SPSB1: variants seen among roughly 807,000 people sequenced by gnomAD.
The protein encoded by SPSB1 is SPRY domain-containing SOCS box protein 1.
In SPSB1, 8 loss-of-function variants were observed where a neutral mutation model predicts 21.2. That is an observed-to-expected ratio of 0.38 (90% confidence interval 0.22 to 0.68). The LOEUF (loss-of-function observed/expected upper bound fraction) is 0.68. Ranked by LOEUF, SPSB1 falls within the 30% of genes least tolerant of loss-of-function variation. The pLI is 0.53. For synonymous variants in SPSB1, 169 were observed against 161.7 expected (o/e 1.05, Z -0.34); for missense variants, 242 against 377.8 (o/e 0.64, Z 2.98).
Position 9,355,753 on chromosome 1 carries a change from A to G in SPSB1, c.-139A>G. 1.4e-6 allele frequency: 2 copies of G among 1,463,356 alleles called. No homozygotes were observed. The highest frequency in any genetic ancestry group is 9.0e-7 in the Non-Finnish European group (1 of 1,108,826). The allele number at this position is 1,463,356 out of a possible 1,614,324, so 90.6% of individuals were successfully genotyped here. A position where few individuals can be genotyped will look rare whatever the true frequency, so the allele number is the denominator to read the frequency against. ...CTTTCCGTCCATTAGGCAATACTGA[A>G]CACTGCGCAGCTTGCAGAGGTCTCC... On this transcript the variant is annotated 5_prime_UTR_variant, in exon 2 of 3. Coordinates refer to ENST00000328089, the MANE Select transcript of SPSB1 (RefSeq NM_025106.4).
intron 1 of SPSB1, among the ~76,000 whole-genome samples, chr1:9,331,836 T>C (rs1335823055): frequency 6.6e-6 from 1 of 152,186 alleles, no homozygotes; most frequent in Non-Finnish European, 1.5e-5. Flanking sequence ...CTGCTTTTCT[T>C]TTATGTCCTT....
Position 9,367,547 on chromosome 1 carries a change from C to T in SPSB1, c.794C>T (p.Ser265Phe). 1 of 1,612,362 alleles carries T rather than the reference C, an allele frequency of 6.2e-7. No homozygotes were observed. The highest frequency in any genetic ancestry group is 2.2e-5 in the East Asian group (1 of 44,832). Residue 265 changes from serine (S) to phenylalanine (F), a missense_variant, in exon 3 of 3, where the codon TCC (serine) becomes TTC (phenylalanine). By Grantham distance (155) the Ser-to-Phe change is radical. Transcript: ENST00000328089. This position sits in a 1 kb window ranked among gnomAD's most constrained non-coding sequence, Gnocchi z 5.9. ...GEIHTLPLPA[S>F]LKAYLLYQ ...ATCCACACGCTGCCGCTGCCGGCTT[C>T]CCTCAAGGCCTACCTCCTCTACCAG... is the stretch of plus-strand genomic sequence containing the variant.
chr1:9,353,366 G>C (rs1465050771), intron 1 of SPSB1, among the ~76,000 whole-genome samples: 21 of 152,134 alleles, frequency 1.4e-4, no homozygotes, highest in Admixed American at 1.2e-3. Flanking sequence ...AAAGCCACAG[G>C]GTGTCCCTCT....
At chr1:9,298,454 GTGAATGAA>G (rs796930232) in intron 1 of SPSB1, among the ~76,000 whole-genome samples, 266 of 119,308 alleles carry the variant, frequency 2.2e-3, no homozygotes, top group African/African-American at 6.8e-3. Context: ...GAATGAATAA[GTGAATGAA>G]TGAATGAATG....
chr1:9,364,319 T>C (rs1352493132), intron 2 of SPSB1, among the ~76,000 whole-genome samples: 7 of 152,216 alleles, frequency 4.6e-5, no homozygotes, highest in Non-Finnish European at 8.8e-5. Context: ...GAAGACCTAC[T>C]CCCGACAGCC....
chr1:9,332,901 G>C (rs1293053842), intron 1 of SPSB1, among the ~76,000 whole-genome samples: 6 of 152,192 alleles, frequency 3.9e-5, no homozygotes, highest in Non-Finnish European at 7.3e-5. Context: ...AGAGGGTGAC[G>C]GAGACCACAG....
At chr1:9,353,845 G>T (rs1419859304) in intron 1 of SPSB1, among the ~76,000 whole-genome samples, 2 of 151,622 alleles carry the variant, frequency 1.3e-5, no homozygotes, top group African/African-American at 4.9e-5. Flanking sequence ...TTGAACCCAG[G>T]AAGCGGAGGT....
chr1:9,301,234 A>G (rs1357994914), intron 1 of SPSB1, among the ~76,000 whole-genome samples: 1 of 152,198 alleles, frequency 6.6e-6, no homozygotes, highest in Non-Finnish European at 1.5e-5. Flanking sequence ...TCACACCTGT[A>G]ATCCCAGCAC....
At chr1:9,314,896 G>A (rs370558554) in intron 1 of SPSB1, among the ~76,000 whole-genome samples, 9 of 152,196 alleles carry the variant, frequency 5.9e-5, no homozygotes, top group Admixed American at 1.3e-4. Flanking sequence ...AGAGGACTGC[G>A]GCAAAGGAGA....
rs936261434 is a variant in SPSB1, at chr1:9,345,664, C to G, written c.-149-10079C>G. Among the ~76,000 whole-genome samples the G allele has an allele frequency of 6.6e-6, 1 of 152,130 alleles. No individual in the cohort carries two copies. The highest frequency in any genetic ancestry group is 1.5e-5 in the Non-Finnish European group (1 of 68,018). On this transcript the variant is annotated intron_variant, in intron 1 of 2. Coordinates refer to ENST00000328089, the MANE Select transcript of SPSB1 (RefSeq NM_025106.4). The surrounding 1 kb of genome is among the most constrained non-coding windows in gnomAD (Gnocchi z 4.8). ...TTCCCAGGCCATGGCTCCACTGATT[C>G]GAGCCCTCTGAAAGTGCTGTGAGTC...
At chr1:9,310,794 G>C (rs1213243211) in intron 1 of SPSB1, among the ~76,000 whole-genome samples, 1 of 152,144 alleles carries the variant, frequency 6.6e-6, no homozygotes, top group Admixed American at 6.5e-5. Context: ...TCCTGTCTGA[G>C]GGTCTTCTCA....
chr1:9,347,803 G>A (rs911747704), intron 1 of SPSB1, among the ~76,000 whole-genome samples: 8 of 152,068 alleles, frequency 5.3e-5, no homozygotes, highest in Admixed American at 2.6e-4. Context: ...ATTGCTGGGC[G>A]TTTTGCACAT....
intron 1 of SPSB1, among the ~76,000 whole-genome samples, chr1:9,332,750 T>G (rs1421002030): frequency 6.6e-6 from 1 of 152,160 alleles, no homozygotes; most frequent in Non-Finnish European, 1.5e-5. Context: ...TATTTTCAGA[T>G]ACAGTTGAGA....
intron 1 of SPSB1, among the ~76,000 whole-genome samples, chr1:9,349,060 G>A (rs58312138): frequency 6.8e-4 from 104 of 152,246 alleles, no homozygotes; most frequent in African/African-American, 2.3e-3. Context: ...CCAGGGCTTC[G>A]TGTCATCTGG....
Position 9,367,759 on chromosome 1 carries a change from T to G in SPSB1, c.*184T>G. ...AAGGACCGATTCCAACACAGGCTCC[T>G]CTTTCCCCCTTCCCGACATCAGCAG... On this transcript the variant is annotated 3_prime_UTR_variant, in exon 3 of 3. Transcript: ENST00000328089. The surrounding 1 kb of genome is among the most constrained non-coding windows in gnomAD (Gnocchi z 5.9). 2.3e-6 allele frequency: 2 copies of G among 869,122 alleles called. No individual in the cohort carries two copies. Among genetic ancestry groups the G allele is most frequent in the Non-Finnish European group, 3.4e-6 (2 of 584,802 alleles). The allele number at this position is 869,122 out of a possible 1,614,324, so 53.8% of individuals were successfully genotyped here. A position where few individuals can be genotyped will look rare whatever the true frequency, so the allele number is the denominator to read the frequency against.
At chr1:9,311,505 ATCT>A in intron 1 of SPSB1, among the ~76,000 whole-genome samples, 1 of 152,276 alleles carries the variant, frequency 6.6e-6, no homozygotes, top group East Asian at 1.9e-4. Flanking sequence ...TGCATGGGAC[ATCT>A]TCTTTTCTGG....
At chr1:9,319,466 T>C (rs1391745286) in intron 1 of SPSB1, among the ~76,000 whole-genome samples, 1 of 151,876 alleles carries the variant, frequency 6.6e-6, no homozygotes, top group Non-Finnish European at 1.5e-5. Context: ...AGTACAGGGG[T>C]GGGATGAGAG....
chr1:9,334,155 G>A (rs1028112472), intron 1 of SPSB1, among the ~76,000 whole-genome samples: 1 of 152,056 alleles, frequency 6.6e-6, no homozygotes, highest in Non-Finnish European at 1.5e-5. Context: ...GTGCGATCTC[G>A]GCTCGTTGCA....
At chr1:9,338,091 T>C (rs1458362091) in intron 1 of SPSB1, among the ~76,000 whole-genome samples, 5 of 152,094 alleles carry the variant, frequency 3.3e-5, no homozygotes, top group African/African-American at 4.8e-5. Flanking sequence ...CATTGAGTGC[T>C]CAGATGGGGG....
Sources: gnomAD v4.1 joint callset for allele counts (sites outside exome capture counted in the v4.1 genomes callset) on GRCh38, gnomAD v4.1.1 for gene constraint, Gnocchi (gnomAD v3.1) non-coding constraint, MANE v1.5 for transcripts, NCBI Gene and HGNC (gene_info 2026-07-23, HGNC 2026-07-21) for gene names.